PROCR: variants seen among roughly 807,000 people sequenced by gnomAD.
The protein encoded by PROCR is protein C receptor.
A neutral mutation model predicts 24.2 loss-of-function variants in PROCR; 22 were observed. The observed-to-expected ratio is 0.91, with a 90% CI of 0.65 to 1.30. The LOEUF (loss-of-function observed/expected upper bound fraction) is 1.30. Ranked by LOEUF, PROCR falls within the 50% of genes most tolerant of loss-of-function variation. The pLI, the probability that PROCR is intolerant of heterozygous loss-of-function variation, is 0.00. For missense variants in PROCR, 288 were observed against 307.7 expected (o/e 0.94, Z 0.48); for synonymous variants, 137 against 139.2 (o/e 0.98, Z 0.11).
rs553063914 is a variant in PROCR, at chr20:35,215,849, G to A, written c.95-44G>A. On this transcript the variant is annotated intron_variant, in intron 1 of 1. Coordinates refer to the PROCR transcript ENST00000634509. ...AGAGGTCAAGGAGACTTCCTAAGCT[G>A]GACTGTGCTCTCCAGCCACCCTCTC... The A allele has an allele frequency of 2.9e-5, 29 of 985,032 alleles. No homozygotes were observed. In the African/African-American group the frequency reaches 4.5e-4, roughly 15 times the overall value. The allele number at this position is 985,032 out of a possible 1,614,324, so 61.0% of individuals were successfully genotyped here. A position where few individuals can be genotyped will look rare whatever the true frequency, so the allele number is the denominator to read the frequency against.
intron 1 of PROCR, among the ~76,000 whole-genome samples, chr20:35,211,859 T>TA (rs1391531968): frequency 6.6e-6 from 1 of 151,424 alleles, no homozygotes; most frequent in Admixed American, 6.6e-5. Flanking sequence ...ACTAAAAATA[T>TA]AAAAAAATTA....
intron 2 of PROCR, 112 bp from the exon 3 acceptor site, chr20:35,176,056 C>T (rs2086012746): frequency 7.9e-7 from 1 of 1,268,824 alleles, no homozygotes; most frequent in South Asian, 1.2e-5. Context: ...AGACTCCCCT[C>T]TCCTCACAGC....
At chr20:35,214,347 T>C (rs1182076398) in intron 1 of PROCR, among the ~76,000 whole-genome samples, 1 of 152,186 alleles carries the variant, frequency 6.6e-6, no homozygotes, top group Non-Finnish European at 1.5e-5. Flanking sequence ...TTGGAAATAA[T>C]GTCCTAATTA....
rs1023796736 is a variant in PROCR at position 35,177,200 on chromosome 20, C to T, written c.*387C>T. 4 of 1,114,368 alleles carry T rather than the reference C, an allele frequency of 3.6e-6. No individual in the cohort carries two copies. The African/African-American group carries it at 4.9e-5, about 14-fold the overall frequency. 69.0% of individuals were successfully genotyped at this position (1,114,368 alleles called of 1,614,324 possible). ...CAAGTCATCCACAATCAAAATACAA[C>T]ATTCAATACTTCCAGGTGTGTCAGA... On this transcript the variant is annotated 3_prime_UTR_variant, in exon 4 of 4. Transcript: ENST00000216968.
intron 1 of PROCR, among the ~76,000 whole-genome samples, chr20:35,209,458 A>G (rs1157393570): frequency 6.6e-6 from 1 of 152,216 alleles, no homozygotes; most frequent in Non-Finnish European, 1.5e-5. Flanking sequence ...AGCAAGGTCT[A>G]TGCTAGAAAT....
At chr20:35,211,030 C>T (rs1420239671) in intron 1 of PROCR, among the ~76,000 whole-genome samples, 1 of 152,076 alleles carries the variant, frequency 6.6e-6, no homozygotes, top group Non-Finnish European at 1.5e-5. Flanking sequence ...TGAAGACTAG[C>T]AGAACTACAA....
At chr20:35,186,744 C>T (rs902198308) in intron 1 of PROCR, among the ~76,000 whole-genome samples, 4 of 151,238 alleles carry the variant, frequency 2.6e-5, no homozygotes, top group East Asian at 2.0e-4. Flanking sequence ...GTCAGGAGAT[C>T]GAGACCATCC....
chr20:35,191,215 T>C (rs918235993), intron 1 of PROCR, among the ~76,000 whole-genome samples: 4 of 152,208 alleles, frequency 2.6e-5, no homozygotes, highest in African/African-American at 9.7e-5. Flanking sequence ...TTATTTGATG[T>C]GGCAGTTCAG....
intron 1 of PROCR, among the ~76,000 whole-genome samples, chr20:35,183,425 G>A (rs900235529): frequency 6.6e-6 from 1 of 152,122 alleles, no homozygotes; most frequent in Non-Finnish European, 1.5e-5. Context: ...CATCTTATAT[G>A]CCTGCTCCCC....
chr20:35,205,752 AATATAT>A lies in PROCR; in HGVS notation c.95-10110_95-10105del, dbSNP rs200029202. 9.3e-3 allele frequency among the ~76,000 whole-genome samples: 957 copies of A among 102,626 alleles called. 31 individuals carry two copies. The highest frequency in any genetic ancestry group is 0.037 in the African/African-American group (761 of 20,448). The allele number at this position is 102,626 out of a possible 152,430, so 67.3% of individuals were successfully genotyped here. A position where few individuals can be genotyped will look rare whatever the true frequency, so the allele number is the denominator to read the frequency against. Reference sequence around the variant, plus strand: ...GGCAACAAGGACAAAACTCTGTCTAAATATATATATATATATATATATATATATATA... The same window carrying A: ...GGCAACAAGGACAAAACTCTGTCTAAATATATATATATATATATATATATA... On this transcript the variant is annotated intron_variant, in intron 1 of 1. Coordinates refer to the PROCR transcript ENST00000634509.
downstream of PROCR, among the ~76,000 whole-genome samples, chr20:35,180,496 A>G (rs1050636985): frequency 1.3e-5 from 2 of 152,130 alleles, no homozygotes; most frequent in Non-Finnish European, 2.9e-5. Flanking sequence ...TGGATTGACA[A>G]GGGCTAGCCA....
chr20:35,178,725 C>A (rs1449562067), downstream of PROCR, among the ~76,000 whole-genome samples: 1 of 141,470 alleles, frequency 7.1e-6, no homozygotes, highest in East Asian at 2.2e-4. Context: ...CCATTTTAGC[C>A]GGGATGGTCT....
At position 35,176,697 on chromosome 20, in the gene PROCR, G is replaced by A; in HGVS notation, c.602-1G>A. ...GGGCTAACTCTTTGCATGTTCTGCA[G>A]GGAGCCAAACAAGCCGCTCCTACAC... On this transcript the variant is annotated splice_acceptor_variant, in intron 3 of 3. Transcript: ENST00000216968. LOFTEE classifies it high-confidence loss of function. 6.2e-7 allele frequency: 1 copy of A among 1,607,350 alleles called. No individual in the cohort carries two copies. Among genetic ancestry groups the A allele is most frequent in the Non-Finnish European group, 8.5e-7 (1 of 1,176,788 alleles).
At chr20:35,183,079 T>C (rs915960435) in intron 1 of PROCR, among the ~76,000 whole-genome samples, 1 of 152,174 alleles carries the variant, frequency 6.6e-6, no homozygotes, top group African/African-American at 2.4e-5. Context: ...GTTTTTGGAA[T>C]TCTGTAACTT....
rs954753959 is a variant in PROCR at position 35,212,408 on chromosome 20, AT to A, written c.95-3475del. Among the ~76,000 whole-genome samples, 16 of 149,294 alleles carry A rather than the reference AT, an allele frequency of 1.1e-4. No homozygotes were observed. The South Asian group carries it at 2.1e-3, about 20-fold the overall frequency. On this transcript the variant is annotated intron_variant, in intron 1 of 1. Coordinates refer to the PROCR transcript ENST00000634509. ...CTGCTGTCATCATTTTGAAATTCTT[AT>A]TTTTTTTTTAACAAGGAGACTTGCA...
intron 2 of PROCR, 106 bp from the exon 3 acceptor site, chr20:35,176,062 A>T: frequency 7.6e-7 from 1 of 1,320,696 alleles, no homozygotes; most frequent in Non-Finnish European, 1.1e-6. Flanking sequence ...CCCTCTCCTC[A>T]CAGCACTGAC....
chr20:35,210,762 G>C (rs1568602221), intron 1 of PROCR, among the ~76,000 whole-genome samples: 1 of 150,656 alleles, frequency 6.6e-6, no homozygotes, highest in Non-Finnish European at 1.5e-5. Flanking sequence ...GCCCAGGCTA[G>C]AGAGCAATGG....
At chr20:35,181,263 TTTTAA>T (rs1159791409), downstream of PROCR, among the ~76,000 whole-genome samples, 36 of 97,626 alleles carry the variant, frequency 3.7e-4, no homozygotes, top group South Asian at 1.5e-3. Flanking sequence ...TCTAATTTAA[TTTTAA>T]TTTAATTTTA....
chr20:35,176,750 C>T lies in PROCR; in HGVS notation c.654C>T (p.Gly218=). 6.2e-7 allele frequency: 1 copy of T among 1,613,904 alleles called. No homozygotes were observed. The highest frequency in any genetic ancestry group is 8.5e-7 in the Non-Finnish European group (1 of 1,179,986). The change falls in exon 4 of 4, where the codon GGC becomes GGT. Residue 218 remains glycine (G), a synonymous_variant. Transcript: ENST00000216968. ...YTSLVLGVLV[G]SFIIAGVAVG... ...CGCTGGTCCTGGGCGTCCTGGTGGGCAGTTTCATCATTGCTGGTGTGGCTG... is the reference window on the plus strand; with the variant it reads ...CGCTGGTCCTGGGCGTCCTGGTGGGTAGTTTCATCATTGCTGGTGTGGCTG...
Sources: gnomAD v4.1 joint callset for allele counts (sites outside exome capture counted in the v4.1 genomes callset) on GRCh38, gnomAD v4.1.1 for gene constraint, MANE v1.5 for transcripts, NCBI Gene and HGNC (gene_info 2026-07-23, HGNC 2026-07-21) for gene names.